Variants in WARS1 observed in about 807,000 individuals in gnomAD.
WARS1 encodes the protein tryptophan--tRNA ligase, cytoplasmic.
WARS1 carries 17 observed loss-of-function variants against 47.8 expected under a neutral mutation model. The observed-to-expected ratio is 0.36, with a 90% CI of 0.24 to 0.53. The LOEUF is 0.53. WARS1 is among the 20% of genes least tolerant of loss of function. The probability of loss-of-function intolerance (pLI) is 0.91; values close to 1 mark genes in which losing one functional copy is unlikely to be tolerated. For missense variants in WARS1, 434 were observed against 608.0 expected, an observed-to-expected ratio of 0.71 and a Z score of 3.01; for synonymous variants, 208 against 228.1, an observed-to-expected ratio of 0.91 and a Z score of 0.79.
chr14:100,366,637 ACATGGACATGAG>A (rs1896015189), intron 2 of WARS1: 2 of 761,398 alleles, frequency 2.6e-6, no homozygotes, highest in Admixed American at 1.8e-5. Flanking sequence ...TGGCCCATGG[ACATGGACATGAG>A]CATGGACATC....
At chr14:100,364,008 G>C (rs1221252895) in intron 2 of WARS1, among the ~76,000 whole-genome samples, 1 of 152,178 alleles carries the variant, frequency 6.6e-6, no homozygotes, top group African/African-American at 2.4e-5. Flanking sequence ...CCCCTGGTGG[G>C]AGGAGTCATG....
At position 100,369,120 on chromosome 14, in the gene WARS1, G is replaced by T. The variant is rs757263110; in HGVS notation, c.66C>A (p.Leu22=). The T allele has an allele frequency of 7.0e-6, 11 of 1,570,550 alleles. No homozygotes were observed. Among genetic ancestry groups the T allele is most frequent in the Non-Finnish European group, 8.7e-6 (10 of 1,149,888 alleles). The change falls in exon 2 of 11, where the codon CTC becomes CTA. Residue 22 remains leucine, a synonymous_variant. Transcript: ENST00000392882. ...CATTTCCCGCTTTGAGGGACCTTACGAGCTCCCCTTGTGTGGCGATGCTGT... is the reference window on the plus strand; with the variant it reads ...CATTTCCCGCTTTGAGGGACCTTACTAGCTCCCCTTGTGTGGCGATGCTGT... ...LFNSIATQGE[L]VRSLKAGNAS... is the part of the protein sequence containing the mutation.
chr14:100,353,598 A>G (rs1895131865), intron 6 of WARS1, 89 bp downstream of exon 6: 1 of 1,477,634 alleles, frequency 6.8e-7, no homozygotes, highest in Admixed American at 1.9e-5. Flanking sequence ...CCTTAAGACC[A>G]TTTCAGTTGT....
chr14:100,334,697 T>G lies in WARS1; in HGVS notation c.*178A>C, dbSNP rs1040216401. 3.1e-6 allele frequency: 2 copies of G among 650,912 alleles called. No homozygotes were observed. Among genetic ancestry groups the G allele is most frequent in the Non-Finnish European group, 5.0e-6 (2 of 399,130 alleles). The allele number at this position is 650,912 out of a possible 1,614,324, so 40.3% of individuals were successfully genotyped here. A position where few individuals can be genotyped will look rare whatever the true frequency, so the allele number is the denominator to read the frequency against. ...CCCACAATGCTTTGCCCATAAGAGA[T>G]AGAAATAATGGAACTCACAGGAAGA... is the stretch of plus-strand genomic sequence containing the variant. On this transcript the variant is annotated 3_prime_UTR_variant, in exon 11 of 11. Transcript: ENST00000392882.
At chr14:100,346,302 T>C (rs1454003835) in intron 7 of WARS1, among the ~76,000 whole-genome samples, 1 of 152,160 alleles carries the variant, frequency 6.6e-6, no homozygotes, top group African/African-American at 2.4e-5. Context: ...CCCCTCATCT[T>C]ACATGTGGGG....
intron 9 of WARS1, among the ~76,000 whole-genome samples, chr14:100,339,274 C>G (rs552018491): frequency 1.9e-4 from 29 of 152,142 alleles, no homozygotes; most frequent in African/African-American, 6.5e-4. Flanking sequence ...GGGAAAGCAG[C>G]AGTCACGCGA....
At chr14:100,341,964 C>T (rs1894190976) in intron 9 of WARS1, 1 of 274,014 alleles carries the variant, frequency 3.6e-6, no homozygotes. Flanking sequence ...CCACCACCTC[C>T]CAGTGAGAAT....
chr14:100,372,948 C>T (rs1896436258), intron 1 of WARS1, among the ~76,000 whole-genome samples: 1 of 152,204 alleles, frequency 6.6e-6, no homozygotes, highest in South Asian at 2.1e-4. Flanking sequence ...CCAATTTGAA[C>T]CTCAGCTCTT....
intron 1 of WARS1, among the ~76,000 whole-genome samples, chr14:100,371,007 G>A (rs1381642415): frequency 6.6e-6 from 1 of 152,148 alleles, no homozygotes; most frequent in Admixed American, 6.5e-5. Context: ...TGGCAGAGAT[G>A]CGTTATAGAC....
intron 1 of WARS1, among the ~76,000 whole-genome samples, chr14:100,372,763 A>G (rs1049901414): frequency 6.6e-6 from 1 of 152,186 alleles, no homozygotes; most frequent in Non-Finnish European, 1.5e-5. Flanking sequence ...CTGCAATAGC[A>G]GACAAGAGGC....
intron 2 of WARS1, chr14:100,368,498 A>T (rs1243373595): frequency 4.4e-6 from 2 of 455,948 alleles, no homozygotes; most frequent in Middle Eastern, 3.2e-4. Flanking sequence ...TATGATAAGC[A>T]GAATATTTAC....
Position 100,359,551 on chromosome 14 carries a change from C to T in WARS1, c.422+1003G>A, listed in dbSNP as rs141024473. Among the ~76,000 whole-genome samples the T allele has an allele frequency of 6.1e-3, 935 of 152,244 alleles. 6 individuals carry two copies. The highest frequency in any genetic ancestry group is 8.7e-3 in the African/African-American group (362 of 41,552). On this transcript the variant is annotated intron_variant, in intron 4 of 10. Transcript: ENST00000392882. Reference sequence around the variant, plus strand: ...AACCCATTTATGCCTACCTACTGTTCCAAAATTGGAATGCTAAACTTGTGG... The same window carrying T: ...AACCCATTTATGCCTACCTACTGTTTCAAAATTGGAATGCTAAACTTGTGG...
chr14:100,339,132 C>A (rs1048333482), intron 9 of WARS1, among the ~76,000 whole-genome samples: 3 of 151,580 alleles, frequency 2.0e-5, no homozygotes, highest in Non-Finnish European at 2.9e-5. Context: ...CATACACACA[C>A]ACACACACAC....
chr14:100,356,044 T>C (rs916578400), intron 4 of WARS1, among the ~76,000 whole-genome samples: 6 of 152,150 alleles, frequency 3.9e-5, no homozygotes, highest in African/African-American at 1.2e-4. Flanking sequence ...GGTTCCAATT[T>C]TGAGATCATG....
chr14:100,336,916 T>C, intron 10 of WARS1, 146 bp downstream of exon 10: 1 of 1,122,972 alleles, frequency 8.9e-7, no homozygotes, highest in Non-Finnish European at 1.2e-6. Context: ...CTAAAAACCA[T>C]GAGGGCGAGT....
intron 9 of WARS1, chr14:100,342,173 T>A (rs1373): frequency 0.73 from 442,366 of 604,768 alleles, 164,123 homozygotes; most frequent in Admixed American, 0.83. Flanking sequence ...AATTCAAAAT[T>A]TTACCTAAAT....
intron 2 of WARS1, chr14:100,366,570 T>G (rs1054615786): frequency 4.4e-5 from 28 of 642,210 alleles, no homozygotes; most frequent in Middle Eastern, 9.0e-4. Context: ...AAAACTACCA[T>G]TAAGATCTCA....
At chr14:100,358,525 T>C (rs1895473079) in intron 4 of WARS1, among the ~76,000 whole-genome samples, 1 of 152,016 alleles carries the variant, frequency 6.6e-6, no homozygotes, top group Admixed American at 6.6e-5. Flanking sequence ...TATACAAAAA[T>C]TAACTCAAAA....
chr14:100,336,058 G>C (rs1294517686), intron 10 of WARS1, among the ~76,000 whole-genome samples: 1 of 151,702 alleles, frequency 6.6e-6, no homozygotes, highest in Non-Finnish European at 1.5e-5. Context: ...GGTGGATCAC[G>C]AGGTCGGGAG....
Sources: gnomAD v4.1 joint callset for allele counts (sites outside exome capture counted in the v4.1 genomes callset) on GRCh38, gnomAD v4.1.1 for gene constraint, MANE v1.5 for transcripts, NCBI Gene and HGNC (gene_info 2026-07-23, HGNC 2026-07-21) for gene names.